The following LRP1B variants were observed in gnomAD, a reference collection of about 807,000 sequenced individuals.
The protein encoded by LRP1B is LDL receptor related protein 1B.
In LRP1B, 217 loss-of-function variants were observed where a neutral mutation model predicts 556.6. The observed-to-expected ratio is 0.39, with a 90% CI of 0.35 to 0.44. The LOEUF is 0.44. LRP1B is among the 20% of genes least tolerant of loss of function. The pLI is 1.00. For synonymous variants in LRP1B, 2,047 were observed against 1,865.8 expected, an observed-to-expected ratio of 1.10 and a Z score of -2.50; for missense variants, 5,053 against 5,620.8, an observed-to-expected ratio of 0.90 and a Z score of 3.23.
intron 1 of LRP1B, among the ~76,000 whole-genome samples, chr2:141,917,553 T>C (rs1364102780): frequency 6.6e-6 from 1 of 152,222 alleles, no homozygotes; most frequent in African/African-American, 2.4e-5. Context: ...CATCTCTCTA[T>C]TAAGATTCTA....
chr2:140,782,445 A>C (rs1257347579), intron 32 of LRP1B, among the ~76,000 whole-genome samples: 1 of 152,172 alleles, frequency 6.6e-6, no homozygotes, highest in African/African-American at 2.4e-5. Flanking sequence ...ATGTGAAACC[A>C]CAGGGAGAAG....
intron 77 of LRP1B, among the ~76,000 whole-genome samples, chr2:140,336,068 A>G (rs1355259854): frequency 6.6e-5 from 10 of 151,990 alleles, no homozygotes; most frequent in Non-Finnish European, 1.5e-4. Flanking sequence ...CACCTGTTTA[A>G]CCATTACTCT....
In LRP1B at chr2:140,456,100, T is replaced by C. The variant is rs372972732; in HGVS notation, c.9963+355A>G. ...AATTTATCTTTCCCAGATCACCTAC[T>C]CTAAGAAATGGAGAGTGGGGACAGT... On this transcript the variant is annotated intron_variant, in intron 62 of 90. Transcript: ENST00000389484. 2.8e-3 allele frequency among the ~76,000 whole-genome samples: 422 copies of C among 152,280 alleles called. 2 individuals are homozygous for C. The highest frequency in any genetic ancestry group is 9.7e-3 in the African/African-American group (404 of 41,584).
intron 15 of LRP1B, among the ~76,000 whole-genome samples, chr2:140,994,522 A>G (rs1440973321): frequency 6.6e-6 from 1 of 151,850 alleles, no homozygotes; most frequent in Non-Finnish European, 1.5e-5. Flanking sequence ...GGTAGGATGA[A>G]TAAGTCTACA....
intron 18 of LRP1B, among the ~76,000 whole-genome samples, chr2:140,972,828 C>G (rs1468413308): frequency 6.6e-6 from 1 of 151,144 alleles, no homozygotes; most frequent in Non-Finnish European, 1.5e-5. Context: ...GACAATAATT[C>G]TAAGATTAAC....
intron 54 of LRP1B, 92 bp from the exon 55 acceptor site, chr2:140,501,966 G>A (rs1274229741): frequency 2.4e-6 from 2 of 830,570 alleles, no homozygotes; most frequent in Non-Finnish European, 3.5e-6. Flanking sequence ...CATTAACTCA[G>A]GTGTCAAAAA....
chr2:140,378,372 T>G, intron 67 of LRP1B, 86 bp from the exon 68 acceptor site: 1 of 684,874 alleles, frequency 1.5e-6, no homozygotes. Flanking sequence ...GAGGTAGCAT[T>G]AAAGAAAAAA....
chr2:141,542,899 C>CA (rs548856195), intron 2 of LRP1B, among the ~76,000 whole-genome samples: 4 of 152,086 alleles, frequency 2.6e-5, no homozygotes, highest in Non-Finnish European at 5.9e-5. Flanking sequence ...TTAAAAGTTA[C>CA]ATATGGTATT....
chr2:142,015,549 G>A (rs1237619327), intron 1 of LRP1B, among the ~76,000 whole-genome samples: 1 of 152,116 alleles, frequency 6.6e-6, no homozygotes, highest in African/African-American at 2.4e-5. Flanking sequence ...AAGAGCTTCT[G>A]CACAACAAAA....
At chr2:140,279,407 A>G (rs2104962337) in intron 84 of LRP1B, among the ~76,000 whole-genome samples, 1 of 152,116 alleles carries the variant, frequency 6.6e-6, no homozygotes. Flanking sequence ...ATTGACTCAG[A>G]GTAATATCTG....
At chr2:141,696,005 T>C (rs1434545974) in intron 2 of LRP1B, among the ~76,000 whole-genome samples, 1 of 152,152 alleles carries the variant, frequency 6.6e-6, no homozygotes, top group South Asian at 2.1e-4. Flanking sequence ...AAAAATCTTG[T>C]ATATCAAAAC....
chr2:141,789,851 A>G (rs1255650796), intron 2 of LRP1B, among the ~76,000 whole-genome samples: 3 of 151,992 alleles, frequency 2.0e-5, no homozygotes, highest in Admixed American at 1.3e-4. Flanking sequence ...TCCTCAAATA[A>G]GTGTCTTCTA....
At chr2:141,267,972 T>C (rs1684952921) in intron 3 of LRP1B, among the ~76,000 whole-genome samples, 1 of 152,108 alleles carries the variant, frequency 6.6e-6, no homozygotes. Context: ...AAATTAGAAG[T>C]ACTTGTGACT....
chr2:140,554,541 TC>T (rs1232564809), intron 43 of LRP1B, among the ~76,000 whole-genome samples: 1 of 152,064 alleles, frequency 6.6e-6, no homozygotes, highest in Non-Finnish European at 1.5e-5. Context: ...TTGGGAATCC[TC>T]CTCCAGCTGC....
At chr2:140,929,240 A>T (rs1386430560) in intron 20 of LRP1B, among the ~76,000 whole-genome samples, 1 of 152,144 alleles carries the variant, frequency 6.6e-6, no homozygotes, top group East Asian at 1.9e-4. Context: ...GCAGTTACAA[A>T]CAATGTCTTA....
At chr2:141,784,050 T>C (rs1252683109) in intron 2 of LRP1B, among the ~76,000 whole-genome samples, 1 of 151,984 alleles carries the variant, frequency 6.6e-6, no homozygotes, top group Non-Finnish European at 1.5e-5. Context: ...AGTTCTAGTT[T>C]ACTTTTTTAA....
intron 88 of LRP1B, among the ~76,000 whole-genome samples, chr2:140,239,141 C>T (rs967325175): frequency 1.3e-5 from 2 of 150,754 alleles, no homozygotes; most frequent in African/African-American, 4.8e-5. Context: ...TCCTCAGAGA[C>T]CCTTGCTGTT....
intron 28 of LRP1B, among the ~76,000 whole-genome samples, chr2:140,850,711 C>CT (rs1173138292): frequency 1.3e-5 from 2 of 152,090 alleles, no homozygotes; most frequent in African/African-American, 4.8e-5. Context: ...AATCTAACAA[C>CT]TTTTTTCTAT....
intron 57 of LRP1B, among the ~76,000 whole-genome samples, chr2:140,489,809 C>T (rs1176317025): frequency 6.6e-6 from 1 of 151,970 alleles, no homozygotes; most frequent in Non-Finnish European, 1.5e-5. Flanking sequence ...ACCCACAATC[C>T]CCAGTCATGG....
Sources: allele counts gnomAD v4.1 joint callset (sites outside exome capture counted in the v4.1 genomes callset), GRCh38; gene constraint gnomAD v4.1.1; transcripts MANE v1.5; gene names NCBI Gene and HGNC (gene_info 2026-07-23, HGNC 2026-07-21).